The following PLCE1 variants were observed in gnomAD, a reference collection of about 807,000 sequenced individuals.
The protein encoded by PLCE1 is phospholipase C epsilon 1.
Under a neutral mutation model 242.8 loss-of-function variants are expected in PLCE1, and 119 were observed. That is an observed-to-expected ratio of 0.49 (90% confidence interval 0.42 to 0.57). The LOEUF is 0.57. PLCE1 is among the 20% of genes least tolerant of loss of function. The pLI, the probability that PLCE1 is intolerant of heterozygous loss-of-function variation, is 0.00. For missense variants in PLCE1, 2,441 were observed against 2,788.8 expected (o/e 0.88, Z 2.81); for synonymous variants, 945 against 1,017.4 (o/e 0.93, Z 1.35).
intron 2 of PLCE1, among the ~76,000 whole-genome samples, chr10:94,038,339 G>A (rs4406757): frequency 0.4 from 60,907 of 152,000 alleles, 15,094 homozygotes; most frequent in African/African-American, 0.71. Context: ...CTTAGACAGC[G>A]GTGCTGGGCT....
chr10:94,330,959 C>A lies in PLCE1; in HGVS notation c.*3016C>A, dbSNP rs2054150617. ...AGAATCTAAATATGCAAGTTGGGGT[C>A]ATTACAAAATTTTAAGAAGCATCAC... On this transcript the variant is annotated 3_prime_UTR_variant, in exon 33 of 33. Coordinates refer to ENST00000371380, the MANE Select transcript of PLCE1 (RefSeq NM_016341.4). The A allele has an allele frequency of 6.6e-6, 1 of 152,130 alleles. No homozygotes were observed. The highest frequency in any genetic ancestry group is 2.1e-4 in the South Asian group (1 of 4,824). The allele number at this position is 152,130 out of a possible 1,614,324, so 9.4% of individuals were successfully genotyped here.
At chr10:94,282,814 G>T (rs1422436740) in intron 20 of PLCE1, among the ~76,000 whole-genome samples, 1 of 152,206 alleles carries the variant, frequency 6.6e-6, no homozygotes, top group African/African-American at 2.4e-5. Flanking sequence ...TGCCTCCCCT[G>T]CTCCTAACGG....
chr10:94,189,164 T>C (rs998226052), intron 4 of PLCE1, among the ~76,000 whole-genome samples: 1 of 151,086 alleles, frequency 6.6e-6, no homozygotes, highest in Non-Finnish European at 1.5e-5. Flanking sequence ...TTCTCAAATA[T>C]ACTTAACCTG....
intron 2 of PLCE1, among the ~76,000 whole-genome samples, chr10:94,069,100 A>C (rs2135077104): frequency 6.6e-6 from 1 of 152,344 alleles, no homozygotes; most frequent in African/African-American, 2.4e-5. Context: ...AGAGAAGCTA[A>C]ATAATTTGCC....
intron 2 of PLCE1, among the ~76,000 whole-genome samples, chr10:94,065,312 G>C (rs550792558): frequency 9.2e-5 from 14 of 152,242 alleles, no homozygotes; most frequent in African/African-American, 3.4e-4. Flanking sequence ...TCCTCCCTTT[G>C]ACCTCTCGGC....
At chr10:94,324,791 A>C in intron 31 of PLCE1, 101 bp from the exon 32 acceptor site, 1 of 1,241,324 alleles carries the variant, frequency 8.1e-7, no homozygotes, top group East Asian at 2.4e-5. Flanking sequence ...CTCTCTCCAA[A>C]GCTCTAGAGA....
At position 94,279,876 on chromosome 10, in the gene PLCE1, A is replaced by T; in HGVS notation, c.4760A>T (p.Asp1587Val). The stretch of plus-strand genomic sequence containing the variant: ...AATGAGGAAGAGGAAGATGAGGAGG[A>T]CGAATATGATTATGACTATGAATCC... Reference protein sequence around the residue: ...ANNEEEEDEEDEYDYDYESLS... With the variant: ...ANNEEEEDEEVEYDYDYESLS... Residue 1587 changes from aspartate to valine, a missense_variant, in exon 20 of 33, where the codon GAC becomes GTC. Physicochemically the swap from Asp to Val is radical, Grantham distance 152 (BLOSUM62 -3). Transcript: ENST00000371380. 1.2e-6 allele frequency: 2 copies of T among 1,613,758 alleles called. No homozygotes were observed. The highest frequency in any genetic ancestry group is 1.7e-6 in the Non-Finnish European group (2 of 1,179,710).
At chr10:94,024,090 G>T (rs1564630290) in intron 1 of PLCE1, among the ~76,000 whole-genome samples, 2 of 152,186 alleles carry the variant, frequency 1.3e-5, no homozygotes, top group African/African-American at 4.8e-5. Context: ...TTGCATGTGG[G>T]TGTATACACA....
rs1181484025 is a variant in PLCE1 at position 94,234,132 on chromosome 10, G to A, written c.2034G>A (p.Met678Ile). Residue 678 changes from methionine to isoleucine, a missense_variant, in exon 6 of 33, where the codon ATG becomes ATA. Around this residue, in one of 5 missense-constraint regions of PLCE1, gnomAD observed 733 missense variants for 754.2 expected, o/e 0.97. Transcript: ENST00000371380. Reference protein sequence around the residue: ...IETMRSLKDAMAQHESSCEYR... With the variant: ...IETMRSLKDAIAQHESSCEYR... ...CCATGAGGAGCCTGAAGGATGCTAT[G>A]GCCCAGCATGAGTCCTCTTGTGAGT... 6.2e-7 allele frequency: 1 copy of A among 1,613,970 alleles called. No individual in the cohort carries two copies. The highest frequency in any genetic ancestry group is 1.7e-5 in the Admixed American group (1 of 60,026).
intron 1 of PLCE1, among the ~76,000 whole-genome samples, chr10:94,004,342 C>A (rs1179437440): frequency 6.6e-6 from 1 of 152,078 alleles, no homozygotes; most frequent in Non-Finnish European, 1.5e-5. Flanking sequence ...TGGTCCAAAT[C>A]ATGACCTTAG....
chr10:94,285,855 C>T (rs768955431), intron 22 of PLCE1, among the ~76,000 whole-genome samples: 1 of 152,140 alleles, frequency 6.6e-6, no homozygotes, highest in Non-Finnish European at 1.5e-5. Context: ...TTTAGAAGTA[C>T]AGTGGACAGG....
At chr10:94,179,512 G>GTTTTTTTTTTTTTTTTTTTTTTTTTTTT (rs1554877545) in intron 4 of PLCE1, among the ~76,000 whole-genome samples, 10 of 19,394 alleles carry the variant, frequency 5.2e-4, no homozygotes, top group South Asian at 4.7e-3. Context: ...TTTTAGTTTA[G>GTTTTTTTTTTTTTTTTTTTTTTTTTTTT]TTTTTTTTTT....
rs1325713098 is a variant in PLCE1, at chr10:94,254,816, C to G, written c.3398-77C>G. 4.7e-6 allele frequency: 7 copies of G among 1,499,468 alleles called. No homozygotes were observed. The East Asian group carries it at 6.8e-5, about 14-fold the overall frequency. 92.9% of individuals were successfully genotyped at this position (1,499,468 alleles called of 1,614,324 possible). ...GTTGATTTGCTCAGACATCCAGAAG[C>G]CTCTCTGGTTTGTATTTGGTTCTGA... On this transcript the variant is annotated intron_variant, in intron 10 of 32. Transcript: ENST00000371380.
intron 4 of PLCE1, among the ~76,000 whole-genome samples, chr10:94,192,522 T>A (rs1309607001): frequency 6.6e-6 from 1 of 152,202 alleles, no homozygotes; most frequent in African/African-American, 2.4e-5. Context: ...AGGACATGAT[T>A]TCATTCTTTT....
intron 3 of PLCE1, among the ~76,000 whole-genome samples, chr10:94,169,395 G>A (rs990604091): frequency 6.6e-6 from 1 of 152,114 alleles, no homozygotes; most frequent in Non-Finnish European, 1.5e-5. Context: ...AGAAAGTGAG[G>A]GATTAAAGGT....
At chr10:94,058,888 TA>T (rs1371275462) in intron 2 of PLCE1, among the ~76,000 whole-genome samples, 1 of 152,010 alleles carries the variant, frequency 6.6e-6, no homozygotes, top group Non-Finnish European at 1.5e-5. Context: ...AACCAAAAAA[TA>T]AAAATCACCT....
chr10:94,274,662 C>T (rs1382812111), intron 19 of PLCE1, among the ~76,000 whole-genome samples: 2 of 152,124 alleles, frequency 1.3e-5, no homozygotes, highest in African/African-American at 4.8e-5. Flanking sequence ...TGTCAAAGAA[C>T]AGCTCTAATT....
intron 2 of PLCE1, among the ~76,000 whole-genome samples, chr10:94,068,187 C>T (rs141058385): frequency 1.3e-5 from 2 of 152,300 alleles, no homozygotes; most frequent in East Asian, 3.9e-4. Flanking sequence ...CCTAAAAACT[C>T]CCAAACTTCC....
At chr10:94,013,579 G>A (rs940273973) in intron 1 of PLCE1, among the ~76,000 whole-genome samples, 9 of 152,330 alleles carry the variant, frequency 5.9e-5, no homozygotes, top group Admixed American at 4.6e-4. Context: ...GGTTCCCACC[G>A]TGTCTCAAGT....
Sources: gnomAD v4.1 joint callset for allele counts (sites outside exome capture counted in the v4.1 genomes callset) on GRCh38, gnomAD v4.1.1 for gene constraint, gnomAD v4.1.1 regional missense constraint, MANE v1.5 for transcripts, NCBI Gene and HGNC (gene_info 2026-07-23, HGNC 2026-07-21) for gene names.